LRP1B: variants seen among roughly 807,000 people sequenced by gnomAD.
The protein encoded by LRP1B is low-density lipoprotein receptor-related protein 1B.
Under a neutral mutation model 556.6 loss-of-function variants are expected in LRP1B, and 217 were observed. That is an observed-to-expected ratio of 0.39 (90% CI 0.35 to 0.44). The LOEUF (loss-of-function observed/expected upper bound fraction) is 0.44, where lower values mean the gene tolerates loss of function less well. Among genes scored for constraint, LRP1B ranks in the 20% least tolerant of loss-of-function variants. The pLI, the probability that LRP1B is intolerant of heterozygous loss-of-function variation, is 1.00. For missense variants in LRP1B, 5,053 were observed against 5,620.8 expected (o/e 0.90, Z 3.23); for synonymous variants, 2,047 against 1,865.8 (o/e 1.10, Z -2.50).
intron 7 of LRP1B, among the ~76,000 whole-genome samples, chr2:141,164,702 C>A (rs1680176372): frequency 6.6e-6 from 1 of 152,064 alleles, no homozygotes; most frequent in South Asian, 2.1e-4. Flanking sequence ...ACAAACAGAT[C>A]CTGCTGAAAT....
Position 140,493,118 on chromosome 2 carries a change from C to T in LRP1B, c.9035-425G>A, listed in dbSNP as rs543056989. Among the ~76,000 whole-genome samples the T allele has an allele frequency of 5.5e-4, 84 of 152,222 alleles. 1 individual carries two copies. The South Asian group carries it at 0.011, about 21-fold the overall frequency. On this transcript the variant is annotated intron_variant, in intron 56 of 90. Coordinates refer to ENST00000389484, the MANE Select transcript of LRP1B (RefSeq NM_018557.3). ...CAAGTGGCTAATGCTCTCAGGATGA[C>T]CTCAGTGAAGACCAAGAGTATCACT...
At chr2:141,051,264 G>C (rs935980538) in intron 10 of LRP1B, among the ~76,000 whole-genome samples, 2 of 151,892 alleles carry the variant, frequency 1.3e-5, no homozygotes. Flanking sequence ...TTACTCAGCA[G>C]TCCCATTACT....
Position 140,364,783 on chromosome 2 carries a change from C to T in LRP1B, c.11009G>A (p.Gly3670Glu), listed in dbSNP as rs1290040715. 4.4e-6 allele frequency: 7 copies of T among 1,608,042 alleles called. No individual in the cohort carries two copies. The highest frequency in any genetic ancestry group is 6.0e-6 in the Non-Finnish European group (7 of 1,176,374). The change falls in exon 72 of 91, where the codon GGA becomes GAA. Residue 3670 changes from glycine to glutamate, a missense_variant and splice_region_variant. By Grantham distance (98) the Gly-to-Glu change is moderately conservative (BLOSUM62 -2). Around this residue, in one of 5 missense-constraint regions of LRP1B, gnomAD observed 599 missense variants for 648.4 expected, o/e 0.92. Coordinates refer to ENST00000389484, the MANE Select transcript of LRP1B (RefSeq NM_018557.3). Reference protein sequence around the residue: ...DGSDEENCERGGNICRADEFL... With the variant: ...DGSDEENCEREGNICRADEFL... ...CTCATCAGCTCTACATATATTTCCTCCTTTATTTTAAAACAAAAAGAAACA... is the reference window on the plus strand; with the variant it reads ...CTCATCAGCTCTACATATATTTCCTTCTTTATTTTAAAACAAAAAGAAACA...
At chr2:140,291,318 A>ATATATATATT (rs369391920) in intron 84 of LRP1B, among the ~76,000 whole-genome samples, 10 of 109,320 alleles carry the variant, frequency 9.1e-5, no homozygotes, top group African/African-American at 3.0e-4. Context: ...ATATATATAT[A>ATATATATATT]TTTTTATTAT....
chr2:141,183,215 C>T (rs1009646228), intron 7 of LRP1B, among the ~76,000 whole-genome samples: 2 of 151,994 alleles, frequency 1.3e-5, no homozygotes, highest in African/African-American at 4.8e-5. Flanking sequence ...CAGCTTGGAA[C>T]CTGTGCCTGC....
intron 41 of LRP1B, among the ~76,000 whole-genome samples, chr2:140,641,349 T>C (rs1684286228): frequency 6.6e-6 from 1 of 152,234 alleles, no homozygotes; most frequent in Non-Finnish European, 1.5e-5. Flanking sequence ...AACATATTTT[T>C]AGAATAACAA....
chr2:141,489,225 C>A (rs1683243371), intron 2 of LRP1B, among the ~76,000 whole-genome samples: 1 of 140,702 alleles, frequency 7.1e-6, no homozygotes, highest in Non-Finnish European at 1.5e-5. Flanking sequence ...GGAGCTCAAG[C>A]AATCTGCTTG....
At chr2:140,706,963 T>C (rs1686861071) in intron 37 of LRP1B, among the ~76,000 whole-genome samples, 1 of 152,090 alleles carries the variant, frequency 6.6e-6, no homozygotes, top group Admixed American at 6.6e-5. Context: ...AGAAGGGTAA[T>C]GGAGTGAAAG....
chr2:140,888,647 A>C (rs758164308), intron 23 of LRP1B, among the ~76,000 whole-genome samples: 15 of 152,074 alleles, frequency 9.9e-5, no homozygotes, highest in Non-Finnish European at 1.5e-4. Flanking sequence ...TCTTAGAGAA[A>C]TGTGTTAGCA....
intron 66 of LRP1B, among the ~76,000 whole-genome samples, chr2:140,405,258 A>G (rs1422071577): frequency 1.3e-5 from 2 of 152,210 alleles, no homozygotes; most frequent in African/African-American, 4.8e-5. Flanking sequence ...GTACATCGGA[A>G]AGTCTGAAAG....
At chr2:142,001,410 A>C (rs1702649711) in intron 1 of LRP1B, among the ~76,000 whole-genome samples, 2 of 152,192 alleles carry the variant, frequency 1.3e-5, no homozygotes, top group Non-Finnish European at 2.9e-5. Context: ...CATCCAATAA[A>C]GTCTCGTGAA....
At chr2:141,761,249 G>A (rs1189137061) in intron 2 of LRP1B, among the ~76,000 whole-genome samples, 8 of 151,696 alleles carry the variant, frequency 5.3e-5, no homozygotes, top group Admixed American at 2.6e-4. Context: ...ATTAAATCTG[G>A]TCAGTGTGTT....
At chr2:140,335,503 ATG>A in intron 78 of LRP1B, 110 bp downstream of exon 78, 1 of 687,448 alleles carries the variant, frequency 1.5e-6, no homozygotes, top group Non-Finnish European at 2.6e-6. Flanking sequence ...ATTTAAAAGC[ATG>A]TGACACTATT....
At chr2:140,381,211 T>C (rs1044043779) in intron 67 of LRP1B, among the ~76,000 whole-genome samples, 1 of 152,124 alleles carries the variant, frequency 6.6e-6, no homozygotes, top group Non-Finnish European at 1.5e-5. Flanking sequence ...TTGCTTATCT[T>C]AACTTTGATC....
At position 140,402,840 on chromosome 2, in the gene LRP1B, G is replaced by C. The variant is rs565947700; in HGVS notation, c.10415-16831C>G. On this transcript the variant is annotated intron_variant, in intron 66 of 90. Coordinates refer to ENST00000389484, the MANE Select transcript of LRP1B (RefSeq NM_018557.3). The stretch of plus-strand genomic sequence containing the variant: ...TTCTGAAGCTGGAATCATCAACTTA[G>C]TAAATAAAATACTGAGGAAAAATTA... Among the ~76,000 whole-genome samples, 6 of 152,282 alleles carry C rather than the reference G, an allele frequency of 3.9e-5. No individual in the cohort carries two copies. In the South Asian group the frequency reaches 1.2e-3, roughly 32 times the overall value.
At chr2:141,639,251 C>T (rs1336555212) in intron 2 of LRP1B, among the ~76,000 whole-genome samples, 5 of 138,388 alleles carry the variant, frequency 3.6e-5, no homozygotes, top group African/African-American at 8.0e-5. Context: ...CAGAGCACCA[C>T]GCAGACTGAG....
chr2:140,748,795 T>TATG (rs1559094708), intron 35 of LRP1B, among the ~76,000 whole-genome samples: 2 of 32,738 alleles, frequency 6.1e-5, no homozygotes, highest in African/African-American at 1.7e-4. Context: ...ATATATATTA[T>TATG]ATACATATTA....
At chr2:141,386,598 T>C (rs1214413298) in intron 3 of LRP1B, among the ~76,000 whole-genome samples, 1 of 152,014 alleles carries the variant, frequency 6.6e-6, no homozygotes, top group African/African-American at 2.4e-5. Flanking sequence ...ATTAGACTTA[T>C]GTAAAAAAAC....
intron 2 of LRP1B, among the ~76,000 whole-genome samples, chr2:141,715,193 C>T (rs1320636016): frequency 2.6e-5 from 4 of 152,088 alleles, no homozygotes; most frequent in Admixed American, 1.3e-4. Context: ...TTTTGCCGGG[C>T]GTGGTGACTC....
Sources: gnomAD v4.1 joint callset for allele counts (sites outside exome capture counted in the v4.1 genomes callset) on GRCh38, gnomAD v4.1.1 for gene constraint, gnomAD v4.1.1 regional missense constraint, MANE v1.5 for transcripts, NCBI Gene and HGNC (gene_info 2026-07-23, HGNC 2026-07-21) for gene names.